Variants in BRD3 observed in about 807,000 individuals in gnomAD.
The protein encoded by BRD3 is bromodomain containing 3.
A neutral mutation model predicts 66.8 loss-of-function variants in BRD3; 17 were observed. That is an observed-to-expected ratio of 0.25 (90% confidence interval 0.17 to 0.38). The LOEUF (loss-of-function observed/expected upper bound fraction) is 0.38. Ranked by LOEUF, BRD3 falls within the 10% of genes least tolerant of loss-of-function variation. BRD3 has a pLI of 1.00. For missense variants in BRD3, 713 were observed against 956.1 expected, an observed-to-expected ratio of 0.75 and a Z score of 3.35; for synonymous variants, 421 against 393.2, an observed-to-expected ratio of 1.07 and a Z score of -0.84.
At chr9:134,039,352 T>C (rs1829991600) in intron 9 of BRD3, among the ~76,000 whole-genome samples, 1 of 152,228 alleles carries the variant, frequency 6.6e-6, no homozygotes, top group Non-Finnish European at 1.5e-5. Flanking sequence ...CAACTTGTTC[T>C]TTTTCAGTGG....
At chr9:134,036,989 C>G (rs531639598) in intron 9 of BRD3, among the ~76,000 whole-genome samples, 1 of 151,428 alleles carries the variant, frequency 6.6e-6, no homozygotes, top group Non-Finnish European at 1.5e-5. Flanking sequence ...CCAGCCTGGG[C>G]GACAGATCGA....
At chr9:134,039,456 G>A (rs1223854845) in intron 9 of BRD3, among the ~76,000 whole-genome samples, 1 of 152,088 alleles carries the variant, frequency 6.6e-6, no homozygotes, top group East Asian at 1.9e-4. Flanking sequence ...TCCCTCCCTG[G>A]CCCTCTGCTG....
At chr9:134,056,973 G>A (rs1323187955) in intron 1 of BRD3, 1 of 152,348 alleles carries the variant, frequency 6.6e-6, no homozygotes, top group Non-Finnish European at 1.5e-5. Context: ...CAGAGAAGCT[G>A]AAGAAACCAG....
chr9:134,048,588 A>T (rs1312313958), intron 5 of BRD3, 134 bp from the exon 6 acceptor site: 2 of 1,364,702 alleles, frequency 1.5e-6, no homozygotes, highest in East Asian at 4.7e-5. Context: ...GCCCCACAGG[A>T]GAGGACACCA....
intron 1 of BRD3, 146 bp downstream of exon 1, chr9:134,067,799 G>A (rs1369444423): frequency 6.9e-6 from 1 of 144,740 alleles, no homozygotes; most frequent in Non-Finnish European, 1.5e-5. Flanking sequence ...GGCGGCGGCG[G>A]CGGCGGCCCC....
At chr9:134,050,010 G>A (rs1287518965) in intron 5 of BRD3, among the ~76,000 whole-genome samples, 1 of 152,202 alleles carries the variant, frequency 6.6e-6, no homozygotes, top group Non-Finnish European at 1.5e-5. Flanking sequence ...CACCCAGGTA[G>A]GTACAGCTGG....
At chr9:134,042,241 T>G (rs1830065693) in intron 7 of BRD3, among the ~76,000 whole-genome samples, 3 of 151,996 alleles carry the variant, frequency 2.0e-5, no homozygotes, top group Non-Finnish European at 2.9e-5. Context: ...GATGCATGCA[T>G]CCTTGTAGCC....
rs1413104365 is a variant in BRD3 at position 134,050,601 on chromosome 9, G to A, written c.500-13C>T. 4 of 1,599,598 alleles carry A rather than the reference G, an allele frequency of 2.5e-6. No individual in the cohort carries two copies. The highest frequency in any genetic ancestry group is 1.7e-5 in the Admixed American group (1 of 59,700). On this transcript the variant is annotated splice_polypyrimidine_tract_variant and intron_variant, in intron 4 of 11. Coordinates refer to ENST00000303407, the MANE Select transcript of BRD3 (RefSeq NM_007371.4). ...ACTTGCTGTGTACCTTCAAGACAAGGAAGGGATGTTCAACACACCAGGCTC... is the reference window on the plus strand; with the variant it reads ...ACTTGCTGTGTACCTTCAAGACAAGAAAGGGATGTTCAACACACCAGGCTC...
chr9:134,042,646 TACACAC>T (rs149487771), intron 7 of BRD3, among the ~76,000 whole-genome samples: 3,703 of 134,832 alleles, frequency 0.027, 165 homozygotes, highest in African/African-American at 0.1. Flanking sequence ...CAAATATATA[TACACAC>T]ACACACACAC....
intron 1 of BRD3, among the ~76,000 whole-genome samples, chr9:134,062,396 C>G (rs953484798): frequency 3.9e-5 from 6 of 152,152 alleles, no homozygotes; most frequent in African/African-American, 1.4e-4. Context: ...TCTCCCGTGA[C>G]TGTCCCCTGC....
chr9:134,043,427 C>G (rs416390), intron 7 of BRD3, among the ~76,000 whole-genome samples: 38,551 of 152,160 alleles, frequency 0.25, 6,081 homozygotes, highest in East Asian at 0.62. Flanking sequence ...TTTTGCCAAG[C>G]TCAGAAACCT....
At chr9:134,048,739 G>T (rs542160628) in intron 5 of BRD3, among the ~76,000 whole-genome samples, 146 of 152,270 alleles carry the variant, frequency 9.6e-4, no homozygotes, top group Non-Finnish European at 1.8e-3. Context: ...GAGGGCTCAG[G>T]GGTCCCGGGT....
upstream of BRD3, chr9:134,068,537 G>A (rs1456714823): frequency 6.7e-6 from 1 of 150,212 alleles, no homozygotes; most frequent in Non-Finnish European, 1.5e-5. Flanking sequence ...TTAGCCTGGC[G>A]GGAGCGCGCG....
chr9:134,051,754 T>C (rs1038924439), intron 3 of BRD3, 45 bp from the exon 4 acceptor site: 1 of 1,561,896 alleles, frequency 6.4e-7, no homozygotes, highest in Admixed American at 2.3e-5. Context: ...AAAGGAGCTG[T>C]GTGCTTGCAA....
At chr9:134,054,083 C>A (rs185561854) in intron 1 of BRD3, 1 of 153,288 alleles carries the variant, frequency 6.5e-6, no homozygotes, top group African/African-American at 2.4e-5. Flanking sequence ...ACAACACGGA[C>A]GTTTGCAGAC....
intron 2 of BRD3, among the ~76,000 whole-genome samples, chr9:134,053,010 C>T (rs1164514535): frequency 2.6e-5 from 4 of 152,242 alleles, no homozygotes; most frequent in Non-Finnish European, 5.9e-5. Context: ...GCCCCATCAC[C>T]ACCCACTCGC....
At position 134,030,487 on chromosome 9, in the gene BRD3, A is replaced by T; in HGVS notation, c.*3103T>A. ...ATTGGACTCATTTTCAGTAACTGAC[A>T]TTTACAGGAATATACTAGAAACGGC... On this transcript the variant is annotated 3_prime_UTR_variant, in exon 12 of 12. Transcript: ENST00000303407. 1 of 202,984 alleles carries T rather than the reference A, an allele frequency of 4.9e-6. No homozygotes were observed. Among genetic ancestry groups the T allele is most frequent in the East Asian group, 7.6e-5 (1 of 13,242 alleles). The allele number at this position is 202,984 out of a possible 1,614,324, so 12.6% of individuals were successfully genotyped here.
chr9:134,030,710 GAAC>G lies in BRD3; in HGVS notation c.*2877_*2879del, dbSNP rs1044604953. The G allele has an allele frequency of 3.9e-5, 9 of 231,196 alleles. No homozygotes were observed. The highest frequency in any genetic ancestry group is 1.3e-4 in the African/African-American group (6 of 45,204). 14.3% of individuals were successfully genotyped at this position (231,196 alleles called of 1,614,324 possible). ...TGTCAGAGGCGTGAGTGCTGCAAAA[GAAC>G]AACAACAAAAACAAACACACAAAAA... On this transcript the variant is annotated 3_prime_UTR_variant, in exon 12 of 12. Transcript: ENST00000303407.
intron 9 of BRD3, among the ~76,000 whole-genome samples, chr9:134,039,702 C>A (rs1313698153): frequency 6.6e-6 from 1 of 152,218 alleles, no homozygotes; most frequent in East Asian, 1.9e-4. Context: ...TGCCTATGGG[C>A]AAGTCCAAAA....
Sources: allele counts gnomAD v4.1 joint callset (sites outside exome capture counted in the v4.1 genomes callset), GRCh38; gene constraint gnomAD v4.1.1; transcripts MANE v1.5; gene names NCBI Gene and HGNC (gene_info 2026-07-23, HGNC 2026-07-21).